BIRC6: variants seen among roughly 807,000 people sequenced by gnomAD.
The protein encoded by BIRC6 is dual E2 ubiquitin-conjugating enzyme/E3 ubiquitin-protein ligase BIRC6.
BIRC6 carries 98 observed loss-of-function variants against 503.3 expected under a neutral mutation model. That is an observed-to-expected ratio of 0.19 (90% CI 0.17 to 0.23). The LOEUF is 0.23. Among genes scored for constraint, BIRC6 ranks in the 10% least tolerant of loss-of-function variants. The pLI is 1.00. For missense variants in BIRC6, 5,360 were observed against 5,806.0 expected, an observed-to-expected ratio of 0.92 and a Z score of 2.50; for synonymous variants, 2,240 against 2,078.7, an observed-to-expected ratio of 1.08 and a Z score of -2.11.
At chr2:32,607,701 G>C (rs2062563395) in intron 72 of BIRC6, 58 bp downstream of exon 72, 1 of 1,432,388 alleles carries the variant, frequency 7.0e-7, no homozygotes, top group Non-Finnish European at 9.4e-7. Context: ...ATATAGGCTG[G>C]GCATGGTGGC....
At chr2:32,417,630 T>TA (rs1417712829) in intron 10 of BIRC6, among the ~76,000 whole-genome samples, 2 of 152,192 alleles carry the variant, frequency 1.3e-5, no homozygotes. Context: ...TGAGCAGAGT[T>TA]ACGCATGCAT....
At position 32,398,122 on chromosome 2, in the gene BIRC6, TAG is replaced by T. The variant is rs138195071; in HGVS notation, c.1034+2534_1034+2535del. ...CTCATATTTTGACTGTGCGAGTTGA[TAG>T]AGAGTTACTTTGGAGGGAGGTTGAA... On this transcript the variant is annotated intron_variant, in intron 6 of 73. Transcript: ENST00000421745. Among the ~76,000 whole-genome samples the T allele has an allele frequency of 7.6e-3, 1,155 of 152,244 alleles. 8 individuals are homozygous for T. Among genetic ancestry groups the T allele is most frequent in the Middle Eastern group, 0.02 (6 of 294 alleles).
At chr2:32,594,664 C>A (rs2061569004) in intron 67 of BIRC6, among the ~76,000 whole-genome samples, 1 of 152,046 alleles carries the variant, frequency 6.6e-6, no homozygotes, top group Non-Finnish European at 1.5e-5. Context: ...CCACTGTACT[C>A]CAAGCCTGGG....
Position 32,415,401 on chromosome 2 carries a change from G to C in BIRC6, c.2110G>C (p.Glu704Gln), listed in dbSNP as rs746442178. ...AAANLTSPDS[E>Q]KWNSVFPKPG... ...AGCCAACCTTACCTCTCCGGATTCT[G>C]AGAAGTGGAACTCTGTGTTTCCCAA... is the stretch of plus-strand genomic sequence containing the variant. The change falls in exon 10 of 74, where the codon GAG (glutamate) becomes CAG (glutamine). Residue 704 changes from glutamate (E) to glutamine (Q), a missense_variant. Glu to Gln is a conservative substitution (Grantham distance 29). This residue lies in a region of BIRC6 where 700 missense variants were observed against 739.3 expected (regional missense o/e 0.95). Transcript: ENST00000421745. The C allele has an allele frequency of 1.2e-6, 2 of 1,614,020 alleles. No homozygotes were observed. The highest frequency in any genetic ancestry group is 1.7e-5 in the Admixed American group (1 of 60,022).
At chr2:32,515,938 C>G (rs990220318) in intron 55 of BIRC6, among the ~76,000 whole-genome samples, 168 bp downstream of exon 55, 5 of 152,172 alleles carry the variant, frequency 3.3e-5, no homozygotes, top group African/African-American at 1.2e-4. Flanking sequence ...TATGCTGTCA[C>G]TGGAATCACT....
intron 67 of BIRC6, chr2:32,594,292 C>G (rs971270876): frequency 5.5e-6 from 2 of 360,980 alleles, no homozygotes; most frequent in South Asian, 1.7e-4. Context: ...AGGCTGAGAA[C>G]ATACATTATA....
intron 32 of BIRC6, among the ~76,000 whole-genome samples, chr2:32,471,580 T>C (rs892821963): frequency 6.6e-6 from 1 of 152,218 alleles, no homozygotes; most frequent in East Asian, 1.9e-4. Flanking sequence ...AAGCTTTCTT[T>C]ATAGGTTCAA....
At chr2:32,591,592 G>T (rs554645407) in intron 66 of BIRC6, among the ~76,000 whole-genome samples, 1 of 152,248 alleles carries the variant, frequency 6.6e-6, no homozygotes, top group East Asian at 1.9e-4. Context: ...TCATCAAAGA[G>T]AAAATAACCT....
intron 12 of BIRC6, among the ~76,000 whole-genome samples, chr2:32,432,098 G>A (rs2044187740): frequency 6.6e-6 from 1 of 152,076 alleles, no homozygotes; most frequent in Non-Finnish European, 1.5e-5. Context: ...ATATAAGGGA[G>A]AGTGGTAGGG....
Position 32,427,270 on chromosome 2 carries a change from T to A in BIRC6, c.2873-1876T>A, listed in dbSNP as rs1172971219. On this transcript the variant is annotated intron_variant, in intron 10 of 73. Coordinates refer to ENST00000421745, the MANE Select transcript of BIRC6 (RefSeq NM_016252.4). ...TGTCCTGTAGGTCTCCAAGCTTCTT[T>A]TAATTTTTATTTTATTTTATTTTTT... Among the ~76,000 whole-genome samples, 5 of 150,774 alleles carry A rather than the reference T, an allele frequency of 3.3e-5. No individual in the cohort carries two copies. In the Admixed American group the frequency reaches 3.4e-4, roughly 10 times the overall value.
intron 22 of BIRC6, 108 bp downstream of exon 22, chr2:32,449,036 A>T (rs2046387515): frequency 1.9e-6 from 2 of 1,031,372 alleles, no homozygotes; most frequent in Non-Finnish European, 2.8e-6. Context: ...AGAAAACTAA[A>T]ATTCCTTAGA....
chr2:32,426,496 A>G (rs544156335), intron 10 of BIRC6, among the ~76,000 whole-genome samples: 1 of 152,216 alleles, frequency 6.6e-6, no homozygotes, highest in South Asian at 2.1e-4. Flanking sequence ...CCAACTACTC[A>G]GGAGGCTGAG....
intron 6 of BIRC6, among the ~76,000 whole-genome samples, chr2:32,398,875 T>C (rs1462113124): frequency 6.6e-6 from 1 of 152,012 alleles, no homozygotes; most frequent in Non-Finnish European, 1.5e-5. Flanking sequence ...TGTAAAAGGA[T>C]TTAGGAAAGA....
chr2:32,439,660 C>G lies in BIRC6; in HGVS notation c.3784C>G (p.Leu1262Val). The G allele has an allele frequency of 6.2e-7, 1 of 1,613,720 alleles. No individual in the cohort carries two copies. Among genetic ancestry groups the G allele is most frequent in the Non-Finnish European group, 8.5e-7 (1 of 1,179,800 alleles). ...TAACAAGGGTTATTCACTTGCTTCACTTTTGGCTAAAGTTGCAGCAGGCAA... is the reference window on the plus strand; with the variant it reads ...TAACAAGGGTTATTCACTTGCTTCAGTTTTGGCTAAAGTTGCAGCAGGCAA... ...QSNKGYSLAS[L>V]LAKVAAGKEK... Residue 1262 changes from leucine to valine, a missense_variant, in exon 16 of 74, where the codon CTT (leucine) becomes GTT (valine). Leu to Val is a conservative substitution (Grantham distance 32, BLOSUM62 1). Coordinates refer to ENST00000421745, the MANE Select transcript of BIRC6 (RefSeq NM_016252.4).
At position 32,547,938 on chromosome 2, in the gene BIRC6, C is replaced by T; in HGVS notation, c.12899C>T (p.Thr4300Ile). ...AKGTGFGTGSTASGWDVEQAL... is the reference protein window; with the variant it reads ...AKGTGFGTGSIASGWDVEQAL... ...GGGACTGGCTTTGGAACAGGCTCTA[C>T]AGCTTCTGGGTGGGATGTGGAACAA... The change falls in exon 64 of 74, where the codon ACA (threonine) becomes ATA (isoleucine). Residue 4300 changes from threonine (T) to isoleucine (I), a missense_variant. By Grantham distance (89) the Thr-to-Ile change is moderately conservative. Around this residue, in one of 16 missense-constraint regions of BIRC6, gnomAD observed 477 missense variants for 574.4 expected, o/e 0.83. Coordinates refer to ENST00000421745, the MANE Select transcript of BIRC6 (RefSeq NM_016252.4). 7 of 1,613,758 alleles carry T rather than the reference C, an allele frequency of 4.3e-6. No individual in the cohort carries two copies. The highest frequency in any genetic ancestry group is 5.9e-6 in the Non-Finnish European group (7 of 1,179,778).
chr2:32,393,085 A>G (rs2039454863), intron 5 of BIRC6, among the ~76,000 whole-genome samples: 1 of 152,020 alleles, frequency 6.6e-6, no homozygotes, highest in South Asian at 2.1e-4. Context: ...CAATAAAAGC[A>G]GTTTTACAGT....
intron 62 of BIRC6, among the ~76,000 whole-genome samples, chr2:32,543,779 C>G (rs2057849716): frequency 6.6e-6 from 1 of 152,184 alleles, no homozygotes; most frequent in African/African-American, 2.4e-5. Flanking sequence ...TTGGGCATCA[C>G]TGGGGGGATG....
At chr2:32,610,771 T>G (rs2062813324) in intron 72 of BIRC6, among the ~76,000 whole-genome samples, 1 of 152,164 alleles carries the variant, frequency 6.6e-6, no homozygotes, top group Non-Finnish European at 1.5e-5. Flanking sequence ...CCCTCCTCTC[T>G]TCTTTTCTTT....
At chr2:32,534,391 AG>A (rs1195995361) in intron 61 of BIRC6, among the ~76,000 whole-genome samples, 5 of 149,658 alleles carry the variant, frequency 3.3e-5, no homozygotes, top group Non-Finnish European at 7.4e-5. Flanking sequence ...AAAAAAAAAA[AG>A]AGACACTGCA....
Sources: allele counts gnomAD v4.1 joint callset (sites outside exome capture counted in the v4.1 genomes callset), GRCh38; gene constraint gnomAD v4.1.1; regional missense constraint gnomAD v4.1.1; transcripts MANE v1.5; gene names NCBI Gene and HGNC (gene_info 2026-07-23, HGNC 2026-07-21).